Variants in SPINK5 observed in about 807,000 individuals in gnomAD.
The protein encoded by SPINK5 is serine peptidase inhibitor Kazal type 5.
SPINK5 carries 125 observed loss-of-function variants against 151.8 expected under a neutral mutation model. The ratio of observed to expected loss-of-function variants is 0.82; its 90% confidence interval spans 0.71 to 0.96. The LOEUF (loss-of-function observed/expected upper bound fraction) is 0.96. SPINK5 is among the 40% of genes least tolerant of loss of function. SPINK5 has a pLI of 0.00. For missense variants in SPINK5, 1,194 were observed against 1,291.9 expected, an observed-to-expected ratio of 0.92 and a Z score of 1.16; for synonymous variants, 374 against 395.3, an observed-to-expected ratio of 0.95 and a Z score of 0.64.
chr5:148,107,302 A>C, intron 17 of SPINK5, 138 bp downstream of exon 17: 1 of 1,189,600 alleles, frequency 8.4e-7, no homozygotes, highest in Non-Finnish European at 1.2e-6. Context: ...ATAAGACATT[A>C]AGTAATATTG....
At chr5:148,087,727 C>CT (rs1259249253) in intron 5 of SPINK5, among the ~76,000 whole-genome samples, 3 of 151,732 alleles carry the variant, frequency 2.0e-5, no homozygotes, top group African/African-American at 7.3e-5. Context: ...GAAAGTTTCT[C>CT]TCCCCTAATT....
intron 4 of SPINK5, among the ~76,000 whole-genome samples, chr5:148,080,661 T>C (rs1752995662): frequency 1.3e-5 from 2 of 151,418 alleles, no homozygotes; most frequent in Non-Finnish European, 3.0e-5. Context: ...ATTTTGGCAC[T>C]AAATGTAAAA....
chr5:148,086,080 G>A (rs1418855498), intron 4 of SPINK5, among the ~76,000 whole-genome samples: 1 of 151,700 alleles, frequency 6.6e-6, no homozygotes, highest in Admixed American at 6.6e-5. Context: ...TAATCTACTG[G>A]GCCTCACTAC....
chr5:148,118,914 G>C, intron 23 of SPINK5, 72 bp from the exon 24 acceptor site: 1 of 1,470,482 alleles, frequency 6.8e-7, no homozygotes, highest in African/African-American at 1.4e-5. Context: ...TCATTTGCAC[G>C]GGACACACTT....
At chr5:148,108,608 A>G in intron 17 of SPINK5, 145 bp from the exon 18 acceptor site, 1 of 1,180,824 alleles carries the variant, frequency 8.5e-7, no homozygotes, top group Non-Finnish European at 1.2e-6. Context: ...TATTGGTTAA[A>G]GCAAAAGCAC....
At position 148,131,283 on chromosome 5, in the gene SPINK5, C is replaced by T. The variant is rs192473445; in HGVS notation, c.2989C>T (p.Arg997Ter). ...SLDSEMCKDY[R>*]VLPRIGYLCP... Reference sequence around the variant, plus strand: ...GGATTCTGAGATGTGCAAAGACTACCGAGTATTGCCCAGGATAGGTTATCT... The same window carrying T: ...GGATTCTGAGATGTGCAAAGACTACTGAGTATTGCCCAGGATAGGTTATCT... The change falls in exon 31 of 33, where the codon CGA becomes TGA. Residue 997 changes from arginine to a stop codon, truncating the protein, a stop_gained. Coordinates refer to ENST00000256084, the MANE Select transcript of SPINK5 (RefSeq NM_006846.4). LOFTEE classifies it high-confidence loss of function. The T allele has an allele frequency of 1.2e-5, 19 of 1,613,790 alleles. No homozygotes were observed. Among genetic ancestry groups the T allele is most frequent in the Middle Eastern group, 3.3e-4 (2 of 6,060 alleles).
At chr5:148,120,417 C>A (rs1316000689) in intron 26 of SPINK5, 26 bp downstream of exon 26, 1 of 1,574,916 alleles carries the variant, frequency 6.3e-7, no homozygotes, top group South Asian at 1.2e-5. Context: ...CACGCTAATA[C>A]CTGAATTCAG....
chr5:148,104,928 C>T (rs1402014644), intron 15 of SPINK5, 24 bp from the exon 16 acceptor site: 2 of 1,604,896 alleles, frequency 1.2e-6, no homozygotes, highest in South Asian at 1.1e-5. Flanking sequence ...TTTCTTCTCT[C>T]TTTTTCTTTT....
intron 10 of SPINK5, among the ~76,000 whole-genome samples, chr5:148,097,393 G>T (rs988081121): frequency 4.6e-5 from 7 of 151,896 alleles, no homozygotes; most frequent in African/African-American, 1.7e-4. Flanking sequence ...AAATATGTTA[G>T]ATTACCTCAA....
At chr5:148,131,466 T>A (rs985775625) in intron 31 of SPINK5, 77 bp downstream of exon 31, 1 of 1,589,958 alleles carries the variant, frequency 6.3e-7, no homozygotes, top group Admixed American at 1.7e-5. Flanking sequence ...AGTAATGCAC[T>A]GATATAAATT....
intron 4 of SPINK5, among the ~76,000 whole-genome samples, chr5:148,084,029 T>A (rs529141542): frequency 6.6e-6 from 1 of 152,032 alleles, no homozygotes; most frequent in South Asian, 2.1e-4. Context: ...TTGTTATTGT[T>A]TTACATTTGT....
intron 26 of SPINK5, among the ~76,000 whole-genome samples, chr5:148,121,143 CAA>C (rs767012594): frequency 5.2e-4 from 36 of 68,664 alleles, no homozygotes; most frequent in African/African-American, 2.3e-3. Context: ...GACTCTGTCT[CAA>C]AAAAAAAAAA....
chr5:148,120,264 T>C, intron 25 of SPINK5, 31 bp from the exon 26 acceptor site: 2 of 1,605,566 alleles, frequency 1.2e-6, no homozygotes, highest in African/African-American at 1.3e-5. Flanking sequence ...TTGTTCACTT[T>C]GATTGAAATG....
intron 22 of SPINK5, 28 bp from the exon 23 acceptor site, chr5:148,118,409 G>C: frequency 6.2e-7 from 1 of 1,613,804 alleles, no homozygotes; most frequent in Non-Finnish European, 8.5e-7. Context: ...AAGTAATCCA[G>C]GGGCTCTTCG....
At chr5:148,130,235 AG>A (rs970579379) in intron 30 of SPINK5, among the ~76,000 whole-genome samples, 3 of 151,968 alleles carry the variant, frequency 2.0e-5, no homozygotes, top group African/African-American at 7.2e-5. Flanking sequence ...GGGATTTGAT[AG>A]GTTGTATTTT....
intron 13 of SPINK5, 42 bp downstream of exon 13, chr5:148,100,623 T>A (rs1001136979): frequency 6.2e-7 from 1 of 1,607,094 alleles, no homozygotes; most frequent in African/African-American, 1.3e-5. Flanking sequence ...AATGATTTTG[T>A]TCTTTCTATT....
intron 11 of SPINK5, among the ~76,000 whole-genome samples, chr5:148,099,001 T>G (rs1221432513): frequency 1.3e-5 from 2 of 152,084 alleles, no homozygotes; most frequent in Non-Finnish European, 2.9e-5. Context: ...AGAAAGCAAG[T>G]ATCCCAGATC....
rs1483710012 is a variant in SPINK5, at chr5:148,107,180, A to G, written c.1607+16A>G. 8 of 1,609,654 alleles carry G rather than the reference A, an allele frequency of 5.0e-6. No homozygotes were observed. The highest frequency in any genetic ancestry group is 6.8e-6 in the Non-Finnish European group (8 of 1,177,312). Reference sequence around the variant, plus strand: ...CCAGTGTGTTGTGAGTGTCCACCCCATCTCTCCCACTGAATTTCTTCATCC... The same window carrying G: ...CCAGTGTGTTGTGAGTGTCCACCCCGTCTCTCCCACTGAATTTCTTCATCC... On this transcript the variant is annotated intron_variant, in intron 17 of 32. Coordinates refer to ENST00000256084, the MANE Select transcript of SPINK5 (RefSeq NM_006846.4).
chr5:148,132,241 G>C (rs1754590232), intron 31 of SPINK5, among the ~76,000 whole-genome samples: 1 of 152,090 alleles, frequency 6.6e-6, no homozygotes, highest in Admixed American at 6.6e-5. Flanking sequence ...CTTTCAAGGA[G>C]AGAATGGTGA....
Sources: allele counts gnomAD v4.1 joint callset (sites outside exome capture counted in the v4.1 genomes callset), GRCh38; gene constraint gnomAD v4.1.1; transcripts MANE v1.5; gene names NCBI Gene and HGNC (gene_info 2026-07-23, HGNC 2026-07-21).